The following USP37 variants were observed in gnomAD, a reference collection of about 807,000 sequenced individuals.
The protein encoded by USP37 is ubiquitin specific peptidase 37.
A neutral mutation model predicts 124.0 loss-of-function variants in USP37; 27 were observed. The observed-to-expected ratio is 0.22, with a 90% CI of 0.16 to 0.30. The LOEUF (loss-of-function observed/expected upper bound fraction) is 0.30, where lower values mean the gene tolerates loss of function less well. Ranked by LOEUF, USP37 falls within the 10% of genes least tolerant of loss-of-function variation. The probability of loss-of-function intolerance (pLI) is 1.00; values close to 1 mark genes in which losing one functional copy is unlikely to be tolerated. For missense variants in USP37, 889 were observed against 1,140.4 expected (o/e 0.78, Z 3.17); for synonymous variants, 365 against 388.0 (o/e 0.94, Z 0.70).
intron 8 of USP37, among the ~76,000 whole-genome samples, chr2:218,543,961 G>A (rs879617078): frequency 6.6e-5 from 10 of 152,126 alleles, no homozygotes; most frequent in Non-Finnish European, 1.2e-4. Flanking sequence ...GTTAACTAGA[G>A]AGTCAGTTTT....
At chr2:218,495,511 T>C (rs1299384000) in intron 14 of USP37, among the ~76,000 whole-genome samples, 1 of 152,150 alleles carries the variant, frequency 6.6e-6, no homozygotes, top group African/African-American at 2.4e-5. Context: ...ATTTCCCCTA[T>C]GACGTAGAAA....
At chr2:218,517,650 T>C (rs1261005985) in intron 10 of USP37, among the ~76,000 whole-genome samples, 1 of 152,164 alleles carries the variant, frequency 6.6e-6, no homozygotes, top group Non-Finnish European at 1.5e-5. Flanking sequence ...TGAGACTTTG[T>C]CTTTATTTCT....
intron 8 of USP37, among the ~76,000 whole-genome samples, chr2:218,544,430 T>TAG (rs56690495): frequency 0.033 from 1,690 of 50,702 alleles, 42 homozygotes; most frequent in Non-Finnish European, 0.037. Flanking sequence ...TATATATATA[T>TAG]AGAGAGAGAG....
At chr2:218,459,371 A>G (rs541566452) in intron 23 of USP37, among the ~76,000 whole-genome samples, 1 of 151,928 alleles carries the variant, frequency 6.6e-6, no homozygotes, top group Non-Finnish European at 1.5e-5. Context: ...CGCCCAGCTA[A>G]TTTTTGCATT....
chr2:218,475,500 C>T (rs1283726827), intron 19 of USP37, among the ~76,000 whole-genome samples: 2 of 151,978 alleles, frequency 1.3e-5, no homozygotes, highest in Admixed American at 6.6e-5. Context: ...TTTGGGAGGT[C>T]GAGGCCAGCA....
intron 8 of USP37, among the ~76,000 whole-genome samples, chr2:218,535,854 CA>C (rs34543341): frequency 0.64 from 90,392 of 140,934 alleles, 28,614 homozygotes; most frequent in East Asian, 0.85. Context: ...GACTCTGTCT[CA>C]AAAAAAAAAA....
chr2:218,486,893 T>G (rs928260834), intron 15 of USP37, among the ~76,000 whole-genome samples: 2 of 151,824 alleles, frequency 1.3e-5, no homozygotes, highest in Non-Finnish European at 2.9e-5. Flanking sequence ...GCCCAGCTAA[T>G]TTTTTTGTAT....
At chr2:218,500,517 G>A (rs895597738) in intron 11 of USP37, among the ~76,000 whole-genome samples, 1 of 152,068 alleles carries the variant, frequency 6.6e-6, no homozygotes, top group African/African-American at 2.4e-5. Context: ...AAAGTGTTGG[G>A]ATTACAGGCA....
At chr2:218,493,810 C>T (rs1335785037) in intron 14 of USP37, among the ~76,000 whole-genome samples, 2 of 152,126 alleles carry the variant, frequency 1.3e-5, no homozygotes, top group Non-Finnish European at 2.9e-5. Context: ...TGAATGATCC[C>T]ACTGTCCAGC....
At chr2:218,481,105 G>GA (rs1435428152) in intron 17 of USP37, among the ~76,000 whole-genome samples, 1 of 152,136 alleles carries the variant, frequency 6.6e-6, no homozygotes, top group African/African-American at 2.4e-5. Context: ...GTATAGAAAA[G>GA]AATGACATAA....
At chr2:218,568,086 C>G (rs904707026) in intron 1 of USP37, 92 bp downstream of exon 1, 1 of 152,474 alleles carries the variant, frequency 6.6e-6, no homozygotes, top group African/African-American at 2.4e-5. Context: ...GGGCGAACTC[C>G]AGAGGAGTGA....
At chr2:218,457,284 T>A in intron 23 of USP37, 123 bp from the exon 24 acceptor site, 1 of 919,714 alleles carries the variant, frequency 1.1e-6, no homozygotes, top group Non-Finnish European at 1.6e-6. Flanking sequence ...TAAGAATCAA[T>A]TAAAAAATCT....
intron 11 of USP37, among the ~76,000 whole-genome samples, chr2:218,504,768 G>A (rs1328154436): frequency 1.3e-5 from 2 of 151,746 alleles, no homozygotes; most frequent in African/African-American, 2.4e-5. Context: ...TTTTATTTTT[G>A]TAGAGACAGG....
chr2:218,472,255 T>A (rs750290246), intron 20 of USP37, among the ~76,000 whole-genome samples: 1 of 152,064 alleles, frequency 6.6e-6, no homozygotes, highest in Non-Finnish European at 1.5e-5. Flanking sequence ...TCACATTTTA[T>A]TGCACTCACA....
intron 17 of USP37, 121 bp from the exon 18 acceptor site, chr2:218,479,836 T>C: frequency 1.9e-6 from 1 of 537,736 alleles, no homozygotes. Flanking sequence ...AATTGAACAA[T>C]TATAATACTT....
chr2:218,539,721 A>T (rs1691870608), intron 8 of USP37, among the ~76,000 whole-genome samples: 1 of 150,832 alleles, frequency 6.6e-6, no homozygotes, highest in Non-Finnish European at 1.5e-5. Flanking sequence ...TCAAAAAAAT[A>T]AAAAACCTGG....
Position 218,454,915 on chromosome 2 carries a change from C to G in USP37, c.*15G>C, listed in dbSNP as rs558062861. 3.7e-6 allele frequency: 6 copies of G among 1,613,454 alleles called. No homozygotes were observed. In the African/African-American group the frequency reaches 8.0e-5, roughly 22 times the overall value. ...CAAATATGCAGTGCATGCTGCCAAC[C>G]CAGGAGTTTGTTCCTCACAAGGCCT... On this transcript the variant is annotated 3_prime_UTR_variant, in exon 26 of 26. Coordinates refer to ENST00000258399, the MANE Select transcript of USP37 (RefSeq NM_020935.3).
chr2:218,489,160 C>T (rs1017796834), intron 14 of USP37, among the ~76,000 whole-genome samples: 1 of 151,154 alleles, frequency 6.6e-6, no homozygotes, highest in African/African-American at 2.4e-5. Flanking sequence ...GAGTTCGAGA[C>T]CAGCCTGGCC....
intron 22 of USP37, among the ~76,000 whole-genome samples, chr2:218,461,148 A>G (rs1380640745): frequency 3.3e-5 from 5 of 152,196 alleles, no homozygotes; most frequent in Admixed American, 6.5e-5. Context: ...ATAAATGGTT[A>G]TTTGCTTTAA....
Sources: allele counts gnomAD v4.1 joint callset (sites outside exome capture counted in the v4.1 genomes callset), GRCh38; gene constraint gnomAD v4.1.1; transcripts MANE v1.5; gene names NCBI Gene and HGNC (gene_info 2026-07-23, HGNC 2026-07-21).